The following AP3S1 variants were observed in gnomAD, a reference collection of about 807,000 sequenced individuals.
AP3S1 encodes the protein adaptor related protein complex 3 subunit sigma 1.
Under a neutral mutation model 21.3 loss-of-function variants are expected in AP3S1, and 12 were observed. The ratio of observed to expected loss-of-function variants is 0.56; its 90% CI spans 0.36 to 0.91. The LOEUF (loss-of-function observed/expected upper bound fraction) is 0.91, where lower values mean the gene tolerates loss of function less well. Ranked by LOEUF, AP3S1 falls within the 40% of genes least tolerant of loss-of-function variation. AP3S1 has a pLI of 0.01. For synonymous variants in AP3S1, 48 were observed against 78.4 expected (o/e 0.61, Z 2.05); for missense variants, 116 against 225.0 (o/e 0.52, Z 3.10).
At chr5:115,879,812 C>T (rs1006171919) in intron 3 of AP3S1, among the ~76,000 whole-genome samples, 2 of 152,078 alleles carry the variant, frequency 1.3e-5, no homozygotes, top group African/African-American at 2.4e-5. Flanking sequence ...TGGTAGAATT[C>T]GGCTGTCAAC....
At chr5:115,857,825 A>T (rs911776249) in intron 1 of AP3S1, among the ~76,000 whole-genome samples, 2 of 152,196 alleles carry the variant, frequency 1.3e-5, no homozygotes, top group African/African-American at 4.8e-5. Context: ...TCAGTGTTTG[A>T]TGTTTACGTT....
chr5:115,857,656 C>A (rs1394574701), intron 1 of AP3S1, among the ~76,000 whole-genome samples: 1 of 152,158 alleles, frequency 6.6e-6, no homozygotes, highest in Admixed American at 6.5e-5. Context: ...CTGCTGATTT[C>A]AGTGTTTATG....
Position 115,847,368 on chromosome 5 carries a change from A to G in AP3S1, c.69+5262A>G, listed in dbSNP as rs528972954. Among the ~76,000 whole-genome samples, 129 of 152,356 alleles carry G rather than the reference A, an allele frequency of 8.5e-4. No homozygotes were observed. The Middle Eastern group carries it at 0.017, about 20-fold the overall frequency. On this transcript the variant is annotated intron_variant, in intron 1 of 5. Coordinates refer to ENST00000316788, the MANE Select transcript of AP3S1 (RefSeq NM_001284.4). ...TACAGTGGCTCATGCCTGTAATCCC[A>G]GCACGTTGGGAGGCCTAGATGGGAG... is the stretch of plus-strand genomic sequence containing the variant.
At chr5:115,843,699 A>C (rs1761834761) in intron 1 of AP3S1, among the ~76,000 whole-genome samples, 1 of 152,258 alleles carries the variant, frequency 6.6e-6, no homozygotes, top group African/African-American at 2.4e-5. Context: ...TTCCATATCT[A>C]AACTTAAGCA....
At chr5:115,856,618 C>A (rs1268065128) in intron 1 of AP3S1, among the ~76,000 whole-genome samples, 1 of 148,852 alleles carries the variant, frequency 6.7e-6, no homozygotes, top group Non-Finnish European at 1.5e-5. Context: ...GTGCCCACCA[C>A]CATGCTCAAC....
At chr5:115,844,394 T>G (rs1305952502) in intron 1 of AP3S1, among the ~76,000 whole-genome samples, 1 of 150,872 alleles carries the variant, frequency 6.6e-6, no homozygotes. Context: ...TCTTAGAGAG[T>G]GAGAGGATGA....
intron 1 of AP3S1, among the ~76,000 whole-genome samples, chr5:115,856,834 C>T (rs796390002): frequency 6.6e-6 from 1 of 152,150 alleles, no homozygotes; most frequent in Non-Finnish European, 1.5e-5. Context: ...AAAATACATT[C>T]TTCTGGAAGT....
chr5:115,876,042 C>T (rs1479373541), intron 3 of AP3S1, among the ~76,000 whole-genome samples: 3 of 152,106 alleles, frequency 2.0e-5, no homozygotes, highest in Non-Finnish European at 4.4e-5. Flanking sequence ...TAGGAGGCAT[C>T]ATGGCGTCAG....
chr5:115,907,755 A>G (rs146188161), intron 5 of AP3S1, among the ~76,000 whole-genome samples: 6 of 152,316 alleles, frequency 3.9e-5, no homozygotes, highest in Non-Finnish European at 8.8e-5. Context: ...TTACAAAACT[A>G]ATTTTTCTTC....
chr5:115,889,440 A>G (rs1194712398), intron 3 of AP3S1, among the ~76,000 whole-genome samples: 1 of 152,238 alleles, frequency 6.6e-6, no homozygotes, highest in Non-Finnish European at 1.5e-5. Context: ...AGAGTAAAAT[A>G]ATAAAGCTTT....
intron 1 of AP3S1, among the ~76,000 whole-genome samples, chr5:115,844,481 A>G (rs1247750849): frequency 6.6e-6 from 1 of 152,208 alleles, no homozygotes; most frequent in Non-Finnish European, 1.5e-5. Context: ...GAGGTAAGAA[A>G]GGCAGCCTTG....
intron 1 of AP3S1, among the ~76,000 whole-genome samples, chr5:115,859,805 T>C (rs1388897814): frequency 6.6e-6 from 1 of 152,236 alleles, no homozygotes; most frequent in Non-Finnish European, 1.5e-5. Context: ...ATCTCCTGCC[T>C]AGACGGTGAA....
intron 4 of AP3S1, among the ~76,000 whole-genome samples, chr5:115,897,326 G>T (rs1292773342): frequency 6.6e-6 from 1 of 151,872 alleles, no homozygotes; most frequent in African/African-American, 2.4e-5. Flanking sequence ...TCTTTTCTCT[G>T]GGCTAAGATC....
At chr5:115,897,890 A>G (rs932767683) in intron 4 of AP3S1, among the ~76,000 whole-genome samples, 9 of 152,112 alleles carry the variant, frequency 5.9e-5, no homozygotes, top group Admixed American at 4.6e-4. Flanking sequence ...AAGGCAAGAC[A>G]TAGGGAGGTT....
intron 3 of AP3S1, among the ~76,000 whole-genome samples, chr5:115,877,961 G>A (rs114736455): frequency 0.01 from 1,539 of 152,168 alleles, 22 homozygotes; most frequent in African/African-American, 0.035. Flanking sequence ...TGATGATGAG[G>A]TTTTCTTCAT....
chr5:115,859,730 A>G (rs114342959), intron 1 of AP3S1, among the ~76,000 whole-genome samples: 6 of 152,306 alleles, frequency 3.9e-5, no homozygotes, highest in African/African-American at 1.4e-4. Context: ...GTTTTCTGTC[A>G]TAGTTGGTAT....
At chr5:115,900,572 G>T (rs1428051987) in intron 4 of AP3S1, among the ~76,000 whole-genome samples, 1 of 152,188 alleles carries the variant, frequency 6.6e-6, no homozygotes, top group Non-Finnish European at 1.5e-5. Context: ...AGTAACTACA[G>T]TCTAGAGGTG....
At chr5:115,894,121 C>G (rs1750549219) in intron 3 of AP3S1, among the ~76,000 whole-genome samples, 1 of 152,202 alleles carries the variant, frequency 6.6e-6, no homozygotes, top group African/African-American at 2.4e-5. Context: ...AGAGTAAAAT[C>G]AGCAAAGGCA....
At chr5:115,869,702 T>C (rs1350059252) in intron 2 of AP3S1, among the ~76,000 whole-genome samples, 2 of 151,332 alleles carry the variant, frequency 1.3e-5, no homozygotes, top group Admixed American at 1.3e-4. Context: ...CACTTGCCAC[T>C]ATCTGATGAT....
Sources: gnomAD v4.1 joint callset for allele counts (sites outside exome capture counted in the v4.1 genomes callset) on GRCh38, gnomAD v4.1.1 for gene constraint, MANE v1.5 for transcripts, NCBI Gene and HGNC (gene_info 2026-07-23, HGNC 2026-07-21) for gene names.